Variants in PARD3 observed in about 807,000 individuals in gnomAD.
PARD3 encodes the protein par-3 family cell polarity regulator, also known as partitioning defective 3 homolog.
In PARD3, 75 loss-of-function variants were observed where a neutral mutation model predicts 155.4. The ratio of observed to expected loss-of-function variants is 0.48; its 90% CI spans 0.40 to 0.58. PARD3 has a LOEUF of 0.58. Ranked by LOEUF, PARD3 falls within the 20% of genes least tolerant of loss-of-function variation. The probability of loss-of-function intolerance (pLI) is 0.00; values close to 1 mark genes in which losing one functional copy is unlikely to be tolerated. For missense variants in PARD3, 1,642 were observed against 1,721.7 expected, an observed-to-expected ratio of 0.95 and a Z score of 0.82; for synonymous variants, 576 against 610.5, an observed-to-expected ratio of 0.94 and a Z score of 0.83.
chr10:34,636,234 T>C (rs56285678), intron 2 of PARD3, among the ~76,000 whole-genome samples: 2 of 152,148 alleles, frequency 1.3e-5, no homozygotes, highest in African/African-American at 4.8e-5. Flanking sequence ...CAGCACTCCC[T>C]GTACACCTGC....
At chr10:34,600,024 C>T (rs2089621986) in intron 2 of PARD3, among the ~76,000 whole-genome samples, 1 of 151,730 alleles carries the variant, frequency 6.6e-6, no homozygotes, top group African/African-American at 2.4e-5. Flanking sequence ...TCCTACCCAG[C>T]GGAACAAGAA....
At chr10:34,543,215 G>A (rs2083779137) in intron 2 of PARD3, among the ~76,000 whole-genome samples, 2 of 151,962 alleles carry the variant, frequency 1.3e-5, no homozygotes, top group African/African-American at 4.8e-5. Flanking sequence ...AGGCTACCAT[G>A]AGCCATAATC....
chr10:34,807,221 T>C (rs976182600), intron 1 of PARD3, among the ~76,000 whole-genome samples: 2 of 152,196 alleles, frequency 1.3e-5, no homozygotes, highest in African/African-American at 4.8e-5. Context: ...TTCCACACTA[T>C]ATGGAAAACT....
chr10:34,196,458 A>G (rs1051478501), intron 22 of PARD3, among the ~76,000 whole-genome samples: 1 of 151,836 alleles, frequency 6.6e-6, no homozygotes, highest in Non-Finnish European at 1.5e-5. Flanking sequence ...CCTAGCTCCC[A>G]TCTTAAATTG....
rs1954605938 is a variant in PARD3 at position 34,255,416 on chromosome 10, G to A, written c.3419+14241C>T. Among the ~76,000 whole-genome samples the A allele has an allele frequency of 3.3e-5, 5 of 152,182 alleles. No homozygotes were observed. In the South Asian group the frequency reaches 1.0e-3, roughly 32 times the overall value. On this transcript the variant is annotated intron_variant, in intron 22 of 24. Transcript: ENST00000374788. ...TAATAATAGAATTAAAAACAAACTT[G>A]GAGTTAAATTTTTATTTTACCACTG...
intron 24 of PARD3, 88 bp downstream of exon 24, chr10:34,119,525 C>T (rs959384215): frequency 1.5e-6 from 2 of 1,338,626 alleles, no homozygotes; most frequent in Admixed American, 2.3e-5. Context: ...GGAGAGGCCC[C>T]AGTGACTTGG....
chr10:34,547,632 C>T (rs969152540), intron 2 of PARD3, among the ~76,000 whole-genome samples: 6 of 152,096 alleles, frequency 3.9e-5, no homozygotes, highest in Admixed American at 1.3e-4. Context: ...GGTGAGTTCC[C>T]GATAGGACAG....
chr10:34,323,190 A>G (rs750973266), intron 19 of PARD3, among the ~76,000 whole-genome samples: 4 of 152,174 alleles, frequency 2.6e-5, no homozygotes, highest in Admixed American at 1.3e-4. Context: ...TTGACTTTGG[A>G]AGAGAAAGAA....
At chr10:34,562,123 CAAAAAAAAAAAAAAAAAAAA>C (rs3041198) in intron 2 of PARD3, among the ~76,000 whole-genome samples, 2 of 26,354 alleles carry the variant, frequency 7.6e-5, no homozygotes, top group African/African-American at 1.3e-4. Flanking sequence ...CTGACTGTCT[CAAAAAAAAAAAAAAAAAAAA>C]AAAAAAAAAG....
At chr10:34,338,602 C>T (rs111359281) in intron 16 of PARD3, among the ~76,000 whole-genome samples, 2,056 of 152,248 alleles carry the variant, frequency 0.014, 50 homozygotes, top group African/African-American at 0.047. Flanking sequence ...CCCTTTATGG[C>T]CTTATAAGAA....
At chr10:34,501,985 C>T (rs2080746167) in intron 3 of PARD3, among the ~76,000 whole-genome samples, 1 of 152,150 alleles carries the variant, frequency 6.6e-6, no homozygotes, top group Admixed American at 6.5e-5. Context: ...CCCAATAGAG[C>T]TTGTTTGCTC....
intron 2 of PARD3, among the ~76,000 whole-genome samples, chr10:34,545,607 T>A (rs1411287080): frequency 1.3e-5 from 2 of 152,162 alleles, no homozygotes; most frequent in Non-Finnish European, 2.9e-5. Flanking sequence ...CAGGCTGGAG[T>A]GCAATGGCAC....
At chr10:34,312,277 T>G (rs1476154337) in intron 20 of PARD3, 1 of 1,606,592 alleles carries the variant, frequency 6.2e-7, no homozygotes, top group African/African-American at 1.3e-5. Flanking sequence ...TAAAAGTAAA[T>G]TTATTGTTTG....
Position 34,145,219 on chromosome 10 carries a change from A to ATTTTT in PARD3, c.3420-13637_3420-13636insAAAAA, listed in dbSNP as rs1482241627. Among the ~76,000 whole-genome samples, 148 of 53,516 alleles carry ATTTTT rather than the reference A, an allele frequency of 2.8e-3. 3 individuals carry two copies. Among genetic ancestry groups the ATTTTT allele is most frequent in the Non-Finnish European group, 3.6e-3 (110 of 30,704 alleles). 35.1% of individuals were successfully genotyped at this position (53,516 alleles called of 152,430 possible). On this transcript the variant is annotated intron_variant, in intron 22 of 24. Transcript: ENST00000374788. ...TATATATATATATATATATATATAT[A>ATTTTT]TATTTTTTTTTTTTTTTTTTTTACA...
At chr10:34,813,044 T>A (rs1844406569) in intron 1 of PARD3, among the ~76,000 whole-genome samples, 1 of 152,114 alleles carries the variant, frequency 6.6e-6, no homozygotes, top group Non-Finnish European at 1.5e-5. Flanking sequence ...AGCCAGTGGG[T>A]CCCTTAGATG....
intron 22 of PARD3, among the ~76,000 whole-genome samples, chr10:34,135,494 C>T (rs749614445): frequency 7.9e-5 from 12 of 152,140 alleles, no homozygotes; most frequent in South Asian, 2.1e-4. Flanking sequence ...ATAATTACTA[C>T]GGGGATTGCA....
chr10:34,206,155 TG>T (rs1298272473), intron 22 of PARD3, among the ~76,000 whole-genome samples: 1 of 143,978 alleles, frequency 6.9e-6, no homozygotes, highest in Non-Finnish European at 1.6e-5. Flanking sequence ...AGAGGCACAG[TG>T]GGAGGTCCCA....
At chr10:34,550,915 GTATTACA>G (rs1384405414) in intron 2 of PARD3, among the ~76,000 whole-genome samples, 1 of 152,058 alleles carries the variant, frequency 6.6e-6, no homozygotes, top group African/African-American at 2.4e-5. Flanking sequence ...ACAGTGTTTC[GTATTACA>G]TATGCCCTTC....
At chr10:34,618,344 A>T (rs549840907) in intron 2 of PARD3, among the ~76,000 whole-genome samples, 2 of 152,234 alleles carry the variant, frequency 1.3e-5, no homozygotes, top group South Asian at 4.2e-4. Flanking sequence ...CAAAATAGTG[A>T]CTCCCGCAAA....
Sources: allele counts gnomAD v4.1 joint callset (sites outside exome capture counted in the v4.1 genomes callset), GRCh38; gene constraint gnomAD v4.1.1; transcripts MANE v1.5; gene names NCBI Gene and HGNC (gene_info 2026-07-23, HGNC 2026-07-21).